Variants in NCOA2 observed in about 807,000 individuals in gnomAD.
NCOA2 encodes the protein class E basic helix-loop-helix protein 75.
A neutral mutation model predicts 145.1 loss-of-function variants in NCOA2; 21 were observed. The observed-to-expected ratio is 0.14, with a 90% CI of 0.10 to 0.21. The LOEUF (loss-of-function observed/expected upper bound fraction) is 0.21. Ranked by LOEUF, NCOA2 falls within the 10% of genes least tolerant of loss-of-function variation. The pLI is 1.00. For synonymous variants in NCOA2, 619 were observed against 637.5 expected (o/e 0.97, Z 0.44); for missense variants, 1,472 against 1,837.6 (o/e 0.80, Z 3.64).
chr8:70,203,105 A>C (rs1350690606), intron 4 of NCOA2, among the ~76,000 whole-genome samples: 2 of 152,146 alleles, frequency 1.3e-5, no homozygotes, highest in Non-Finnish European at 1.5e-5. Context: ...TCAACTAAAA[A>C]TATAAAAATT....
intron 1 of NCOA2, among the ~76,000 whole-genome samples, chr8:70,344,023 A>C (rs1050497233): frequency 1.3e-5 from 2 of 152,078 alleles, no homozygotes; most frequent in Non-Finnish European, 2.9e-5. Flanking sequence ...CAGCAACAAA[A>C]GCCTTTTTAA....
At chr8:70,441,820 AAAG>A in the NCOA2 span, among the ~76,000 whole-genome samples, 7,495 of 143,820 alleles carry the variant, frequency 0.052, 262 homozygotes, top group African/African-American at 0.11. Context: ...AAGAAAGAAG[AAAG>A]AAGAAAGAAA....
chr8:70,124,943 A>T (rs1808254511), intron 19 of NCOA2, 78 bp from the exon 20 acceptor site: 1 of 1,304,328 alleles, frequency 7.7e-7, no homozygotes, highest in Admixed American at 2.6e-5. Flanking sequence ...GGGAAAGAAC[A>T]TTCCAAATTA....
At chr8:70,276,202 A>C (rs898016691) in intron 2 of NCOA2, among the ~76,000 whole-genome samples, 3 of 152,194 alleles carry the variant, frequency 2.0e-5, no homozygotes, top group African/African-American at 7.2e-5. Context: ...GAGAAAAAGA[A>C]ATTAAGGAAG....
At chr8:70,248,809 T>C (rs772880762) in intron 2 of NCOA2, among the ~76,000 whole-genome samples, 1 of 151,234 alleles carries the variant, frequency 6.6e-6, no homozygotes, top group African/African-American at 2.4e-5. Flanking sequence ...CCCGAGTATT[T>C]TCTGAGGTTG....
chr8:70,431,184 G>C, the NCOA2 span, among the ~76,000 whole-genome samples: 1 of 151,748 alleles, frequency 6.6e-6, no homozygotes, highest in Non-Finnish European at 1.5e-5. Context: ...GTGGAATTAT[G>C]TGTATATATT....
At chr8:70,205,620 C>T (rs1454067781) in intron 4 of NCOA2, among the ~76,000 whole-genome samples, 4 of 151,974 alleles carry the variant, frequency 2.6e-5, no homozygotes, top group African/African-American at 9.7e-5. Context: ...AAAAAAGAGG[C>T]ATTCCCAAAC....
At chr8:70,360,390 C>T (rs1038332323) in intron 1 of NCOA2, among the ~76,000 whole-genome samples, 18 of 152,122 alleles carry the variant, frequency 1.2e-4, no homozygotes, top group Non-Finnish European at 2.5e-4. Flanking sequence ...GACAAAACAA[C>T]ACATAAATTA....
the NCOA2 span, among the ~76,000 whole-genome samples, chr8:70,446,545 CATT>C: frequency 6.6e-6 from 1 of 152,282 alleles, no homozygotes; most frequent in Admixed American, 6.5e-5. Flanking sequence ...CCTGGGTCAT[CATT>C]ACATAATAGT....
intron 1 of NCOA2, among the ~76,000 whole-genome samples, chr8:70,364,365 T>C (rs900357114): frequency 3.3e-5 from 5 of 152,274 alleles, no homozygotes; most frequent in African/African-American, 1.2e-4. Flanking sequence ...TTAAAAAAAT[T>C]ACTTGGGAAA....
chr8:70,110,986 A>T lies in NCOA2; in HGVS notation c.*2646T>A, dbSNP rs1284304873. On this transcript the variant is annotated 3_prime_UTR_variant, in exon 23 of 23. Coordinates refer to ENST00000452400, the MANE Select transcript of NCOA2 (RefSeq NM_006540.4). ...ACAAATTTATTGTGTACAGCATGAG[A>T]AATACTGATAATGAAGGGAACTGAT... 1.3e-5 allele frequency: 3 copies of T among 223,202 alleles called. No homozygotes were observed. Among genetic ancestry groups the T allele is most frequent in the African/African-American group, 6.7e-5 (3 of 44,820 alleles). The allele number at this position is 223,202 out of a possible 1,614,324, so 13.8% of individuals were successfully genotyped here. A position where few individuals can be genotyped will look rare whatever the true frequency, so the allele number is the denominator to read the frequency against.
In NCOA2 at chr8:70,156,820, G is replaced by T; in HGVS notation, c.1545C>A (p.Ser515=). ...SQFSPAGSLH[S]PVGVCSSTGN... The stretch of plus-strand genomic sequence containing the variant: ...CTGTGCTGCTGCAAACTCCCACAGG[G>T]GAATGCAAGCTTCCTGCAGGGGAAA... The change falls in exon 11 of 23, where the codon TCC becomes TCA. Residue 515 remains serine (S), a synonymous_variant. Coordinates refer to ENST00000452400, the MANE Select transcript of NCOA2 (RefSeq NM_006540.4). The T allele has an allele frequency of 1.2e-6, 2 of 1,613,980 alleles. No homozygotes were observed. The highest frequency in any genetic ancestry group is 1.7e-6 in the Non-Finnish European group (2 of 1,179,884).
At chr8:70,123,304 GTTTGGCC>G (rs1039537406) in intron 21 of NCOA2, among the ~76,000 whole-genome samples, 5 of 152,216 alleles carry the variant, frequency 3.3e-5, no homozygotes, top group African/African-American at 1.2e-4. Context: ...ATGGCAGGTA[GTTTGGCC>G]TTTGCTTTTC....
chr8:70,363,078 T>TA (rs1233686562), intron 1 of NCOA2, among the ~76,000 whole-genome samples: 1 of 114,022 alleles, frequency 8.8e-6, no homozygotes. Flanking sequence ...GACTCTGTCT[T>TA]TAAAAAAAAA....
chr8:70,160,659 C>CAGAGAGAGAGAGAGAGAGAG lies in NCOA2; in HGVS notation c.977-1027_977-1008dup, dbSNP rs776025101. ...CCACAAAACTGCCACAAGTGAGAGA[C>CAGAGAGAGAGAGAGAGAGAG]AGAGAGAGAGAGAGAGAGAGAGGGA... On this transcript the variant is annotated intron_variant, in intron 9 of 22. Coordinates refer to ENST00000452400, the MANE Select transcript of NCOA2 (RefSeq NM_006540.4). Among the ~76,000 whole-genome samples the CAGAGAGAGAGAGAGAGAGAG allele has an allele frequency of 8.3e-3, 1,093 of 132,208 alleles. 12 individuals are homozygous for CAGAGAGAGAGAGAGAGAGAG. The highest frequency in any genetic ancestry group is 0.022 in the South Asian group (93 of 4,230). 86.7% of individuals were successfully genotyped at this position (132,208 alleles called of 152,430 possible).
Position 70,114,645 on chromosome 8 carries a change from T to C in NCOA2, c.4384-1002A>G, listed in dbSNP as rs184925470. Among the ~76,000 whole-genome samples the C allele has an allele frequency of 2.8e-3, 420 of 152,328 alleles. 2 individuals carry two copies. The highest frequency in any genetic ancestry group is 6.3e-3 in the Admixed American group (96 of 15,296). ...GATTATAATTGTACCTTGCTACAAA[T>C]CAAATTATTACAAATAACAACATGA... On this transcript the variant is annotated intron_variant, in intron 22 of 22. Coordinates refer to ENST00000452400, the MANE Select transcript of NCOA2 (RefSeq NM_006540.4).
chr8:70,402,512 G>A (rs539157821), intron 1 of NCOA2: 15 of 152,330 alleles, frequency 9.8e-5, no homozygotes, highest in Admixed American at 7.8e-4. Context: ...CCCGGTCTCG[G>A]AAGAGGCGCC....
chr8:70,134,248 G>A (rs140032733), intron 15 of NCOA2, among the ~76,000 whole-genome samples: 5 of 152,342 alleles, frequency 3.3e-5, no homozygotes, highest in African/African-American at 1.2e-4. Context: ...AGTCAGGAGA[G>A]GGAGAAACCA....
intron 2 of NCOA2, among the ~76,000 whole-genome samples, chr8:70,232,870 T>TACACACACACACACACACACAC (rs71275059): frequency 0.035 from 5,140 of 145,258 alleles, 230 homozygotes; most frequent in African/African-American, 0.1. Flanking sequence ...ATTTAGAATT[T>TACACACACACACACACACACAC]ACACACACAC....
Sources: allele counts gnomAD v4.1 joint callset (sites outside exome capture counted in the v4.1 genomes callset), GRCh38; gene constraint gnomAD v4.1.1; transcripts MANE v1.5; gene names NCBI Gene and HGNC (gene_info 2026-07-23, HGNC 2026-07-21).